The following ADAMTSL3 variants were observed in gnomAD, a reference collection of about 807,000 sequenced individuals.
ADAMTSL3 encodes the protein ADAMTS like 3.
ADAMTSL3 carries 128 observed loss-of-function variants against 201.7 expected under a neutral mutation model. That is an observed-to-expected ratio of 0.63 (90% CI 0.55 to 0.73). ADAMTSL3 has a LOEUF of 0.73. Ranked by LOEUF, ADAMTSL3 falls within the 30% of genes least tolerant of loss-of-function variation. ADAMTSL3 has a pLI of 0.00. For missense variants in ADAMTSL3, 1,990 were observed against 2,119.6 expected, an observed-to-expected ratio of 0.94 and a Z score of 1.20; for synonymous variants, 738 against 748.4, an observed-to-expected ratio of 0.99 and a Z score of 0.23.
chr15:83,828,291 G>C (rs868859517), intron 6 of ADAMTSL3, among the ~76,000 whole-genome samples: 7 of 152,120 alleles, frequency 4.6e-5, no homozygotes, highest in East Asian at 1.9e-4. Context: ...TGAAGCAATG[G>C]TGAATGGGAG....
chr15:83,944,290 C>T (rs1440627229), intron 19 of ADAMTSL3, among the ~76,000 whole-genome samples: 3 of 152,174 alleles, frequency 2.0e-5, no homozygotes, highest in Non-Finnish European at 4.4e-5. Context: ...CCCTTTGCTC[C>T]AGTCTTGCTG....
At chr15:83,785,450 T>C (rs550896592) in intron 4 of ADAMTSL3, among the ~76,000 whole-genome samples, 1 of 152,330 alleles carries the variant, frequency 6.6e-6, no homozygotes, top group African/African-American at 2.4e-5. Flanking sequence ...TAAAGCTTGG[T>C]GTACGGTGTT....
At chr15:83,871,901 G>T (rs979980741) in intron 9 of ADAMTSL3, among the ~76,000 whole-genome samples, 5 of 151,956 alleles carry the variant, frequency 3.3e-5, no homozygotes, top group Non-Finnish European at 5.9e-5. Context: ...TTTTCTGTAT[G>T]AAAAAAACCC....
chr15:83,748,661 A>G, intron 3 of ADAMTSL3, among the ~76,000 whole-genome samples: 1 of 151,408 alleles, frequency 6.6e-6, no homozygotes. Flanking sequence ...AAAAAAAAAA[A>G]AAAAAAAAAA....
At chr15:83,711,159 G>A (rs1452371747) in intron 3 of ADAMTSL3, among the ~76,000 whole-genome samples, 2 of 151,972 alleles carry the variant, frequency 1.3e-5, no homozygotes, top group Non-Finnish European at 2.9e-5. Flanking sequence ...TCTTTCTAAA[G>A]AGGAGAAATC....
chr15:83,916,343 G>A (rs534295115), intron 16 of ADAMTSL3, among the ~76,000 whole-genome samples: 1 of 152,210 alleles, frequency 6.6e-6, no homozygotes, highest in African/African-American at 2.4e-5. Flanking sequence ...TTATTGAAAT[G>A]AGCCTTGGAC....
In ADAMTSL3 at chr15:83,822,818, C is replaced by T. The variant is rs1432441844; in HGVS notation, c.600+2771C>T. Among the ~76,000 whole-genome samples the T allele has an allele frequency of 3.6e-3, 552 of 151,718 alleles. 4 individuals are homozygous for T. Among genetic ancestry groups the T allele is most frequent in the African/African-American group, 0.013 (523 of 41,436 alleles). Reference sequence around the variant, plus strand: ...GGCGGCCGGGCAGAGGCTGCAATCTCGGCACTTTGGGAGGCCAAGGCAGGC... The same window carrying T: ...GGCGGCCGGGCAGAGGCTGCAATCTTGGCACTTTGGGAGGCCAAGGCAGGC... On this transcript the variant is annotated intron_variant, in intron 6 of 29. Transcript: ENST00000286744.
intron 2 of ADAMTSL3, among the ~76,000 whole-genome samples, chr15:83,657,878 G>T (rs148342658): frequency 1.0e-3 from 154 of 152,268 alleles, no homozygotes; most frequent in African/African-American, 3.7e-3. Flanking sequence ...CCTGTCCGTG[G>T]GTTGGATGCT....
intron 6 of ADAMTSL3, among the ~76,000 whole-genome samples, chr15:83,824,372 A>G (rs2063971577): frequency 6.6e-6 from 1 of 151,974 alleles, no homozygotes; most frequent in Non-Finnish European, 1.5e-5. Flanking sequence ...GGAAGGTGGA[A>G]TTTTCCCATA....
intron 2 of ADAMTSL3, among the ~76,000 whole-genome samples, chr15:83,681,326 G>A (rs997074376): frequency 6.6e-6 from 1 of 152,128 alleles, no homozygotes; most frequent in African/African-American, 2.4e-5. Flanking sequence ...AAAGACTTCT[G>A]AATAGAGGTG....
At chr15:83,754,557 C>T (rs998070892) in intron 3 of ADAMTSL3, among the ~76,000 whole-genome samples, 1 of 152,122 alleles carries the variant, frequency 6.6e-6, no homozygotes, top group African/African-American at 2.4e-5. Flanking sequence ...ACAAAGAAAA[C>T]TACAAAGCAC....
rs1468146628 is a variant in ADAMTSL3, at chr15:84,037,911, T to C, written c.*105T>C. Reference sequence around the variant, plus strand: ...AACATGTATTTCTTAAAAGACTAGATTCTATGGATCAAACAGAGGTTGATG... The same window carrying C: ...AACATGTATTTCTTAAAAGACTAGACTCTATGGATCAAACAGAGGTTGATG... On this transcript the variant is annotated 3_prime_UTR_variant, in exon 30 of 30. Transcript: ENST00000286744. 2 of 1,445,426 alleles carry C rather than the reference T, an allele frequency of 1.4e-6. No homozygotes were observed. The highest frequency in any genetic ancestry group is 4.9e-5 in the East Asian group (2 of 40,966). 89.5% of individuals were successfully genotyped at this position (1,445,426 alleles called of 1,614,324 possible). A position where few individuals can be genotyped will look rare whatever the true frequency, so the allele number is the denominator to read the frequency against.
At chr15:83,838,062 C>CACTG in intron 6 of ADAMTSL3, 27 bp from the exon 7 acceptor site, 6 of 1,602,870 alleles carry the variant, frequency 3.7e-6, no homozygotes, top group Non-Finnish European at 5.1e-6. Flanking sequence ...CTTTGGGCAC[C>CACTG]ACTGACTGCC....
At chr15:84,020,300 G>A (rs542225004) in intron 25 of ADAMTSL3, among the ~76,000 whole-genome samples, 5 of 152,102 alleles carry the variant, frequency 3.3e-5, no homozygotes, top group Admixed American at 6.6e-5. Flanking sequence ...CCTTGGGCAA[G>A]GTACTCAGTT....
chr15:83,872,310 G>T (rs2065095701), intron 9 of ADAMTSL3, among the ~76,000 whole-genome samples: 1 of 151,998 alleles, frequency 6.6e-6, no homozygotes, highest in Admixed American at 6.6e-5. Flanking sequence ...TGTGTATTGT[G>T]TCCCTAACAC....
intron 3 of ADAMTSL3, among the ~76,000 whole-genome samples, chr15:83,712,602 G>A (rs1235876892): frequency 6.6e-6 from 1 of 152,180 alleles, no homozygotes; most frequent in African/African-American, 2.4e-5. Context: ...TTCCTTCCAA[G>A]GTCATGCCAT....
chr15:83,902,773 C>G (rs1178854397), intron 15 of ADAMTSL3, among the ~76,000 whole-genome samples: 1 of 152,148 alleles, frequency 6.6e-6, no homozygotes, highest in Non-Finnish European at 1.5e-5. Context: ...TTGCCCACAG[C>G]AAGCTGCCTC....
intron 4 of ADAMTSL3, among the ~76,000 whole-genome samples, chr15:83,776,737 A>G (rs1257406987): frequency 6.6e-6 from 1 of 152,120 alleles, no homozygotes; most frequent in Non-Finnish European, 1.5e-5. Context: ...AAATTGTGTT[A>G]AGAAAATCCA....
chr15:83,674,796 G>T (rs1171385029), intron 2 of ADAMTSL3, among the ~76,000 whole-genome samples: 20 of 74,024 alleles, frequency 2.7e-4, no homozygotes, highest in South Asian at 6.3e-4. Flanking sequence ...TATAAATCTT[G>T]CTGGAATTTT....
Sources: gnomAD v4.1 joint callset for allele counts (sites outside exome capture counted in the v4.1 genomes callset) on GRCh38, gnomAD v4.1.1 for gene constraint, MANE v1.5 for transcripts, NCBI Gene and HGNC (gene_info 2026-07-23, HGNC 2026-07-21) for gene names.